RNF216: variants seen among roughly 807,000 people sequenced by gnomAD.
The protein encoded by RNF216 is E3 ubiquitin-protein ligase RNF216.
RNF216 carries 72 observed loss-of-function variants against 110.8 expected under a neutral mutation model. The ratio of observed to expected loss-of-function variants is 0.65; its 90% CI spans 0.54 to 0.79. The LOEUF (loss-of-function observed/expected upper bound fraction) is 0.79. RNF216 is among the 30% of genes least tolerant of loss of function. RNF216 has a pLI of 0.00. For synonymous variants in RNF216, 495 were observed against 407.5 expected (o/e 1.21, Z -2.59); for missense variants, 1,342 against 1,141.2 (o/e 1.18, Z -2.54).
At chr7:5,687,938 C>T (rs1791090455) in intron 13 of RNF216, among the ~76,000 whole-genome samples, 1 of 152,132 alleles carries the variant, frequency 6.6e-6, no homozygotes, top group South Asian at 2.1e-4. Context: ...GTCCAGAATC[C>T]CGGACTGTCA....
At chr7:5,714,524 C>A (rs552714797) in intron 11 of RNF216, among the ~76,000 whole-genome samples, 4 of 152,338 alleles carry the variant, frequency 2.6e-5, no homozygotes, top group African/African-American at 9.6e-5. Context: ...TCCCAAAGTG[C>A]TGGGATTACA....
chr7:5,658,411 C>G (rs1338147961), intron 13 of RNF216, among the ~76,000 whole-genome samples: 1 of 152,038 alleles, frequency 6.6e-6, no homozygotes, highest in Non-Finnish European at 1.5e-5. Context: ...AGTCTCAGCA[C>G]TCTGGGAAGC....
At chr7:5,686,072 A>T (rs868174985) in intron 13 of RNF216, among the ~76,000 whole-genome samples, 3 of 151,550 alleles carry the variant, frequency 2.0e-5, no homozygotes, top group South Asian at 2.1e-4. Context: ...AAAATGCAAA[A>T]ATTAGCCAGG....
chr7:5,718,617 G>A (rs1236064441), intron 9 of RNF216, among the ~76,000 whole-genome samples: 2 of 150,856 alleles, frequency 1.3e-5, no homozygotes, highest in Non-Finnish European at 2.9e-5. Context: ...CATGATTTTG[G>A]CTCACTGCAA....
chr7:5,626,676 A>C (rs1336791096), intron 15 of RNF216, among the ~76,000 whole-genome samples: 1 of 151,996 alleles, frequency 6.6e-6, no homozygotes. Context: ...GTGTTAAAAA[A>C]AAAAAAAAGG....
intron 2 of RNF216, among the ~76,000 whole-genome samples, chr7:5,756,352 T>A (rs1286044312): frequency 6.6e-6 from 1 of 152,208 alleles, no homozygotes; most frequent in Non-Finnish European, 1.5e-5. Context: ...CTAATACAGT[T>A]GCTTTCATGC....
intron 1 of RNF216, among the ~76,000 whole-genome samples, chr7:5,781,198 C>G (rs1462958983): frequency 2.6e-5 from 4 of 152,166 alleles, no homozygotes; most frequent in African/African-American, 7.2e-5. Flanking sequence ...CCGCGGCGGC[C>G]TCGGGCCCGG....
chr7:5,653,802 A>C (rs1788556408), intron 13 of RNF216, among the ~76,000 whole-genome samples: 1 of 151,914 alleles, frequency 6.6e-6, no homozygotes, highest in Non-Finnish European at 1.5e-5. Flanking sequence ...CGAGTCAACG[A>C]TGAATAGGGC....
At chr7:5,692,903 G>A (rs536358819) in intron 13 of RNF216, among the ~76,000 whole-genome samples, 1 of 152,326 alleles carries the variant, frequency 6.6e-6, no homozygotes, top group South Asian at 2.1e-4. Context: ...ATCCTCAAAA[G>A]CGATTCACTG....
intron 14 of RNF216, 49 bp downstream of exon 14, chr7:5,652,364 T>A: frequency 1.5e-6 from 2 of 1,327,120 alleles, no homozygotes; most frequent in Non-Finnish European, 2.2e-6. Context: ...AGCAGGTTAA[T>A]GGGGAAGTTG....
intron 13 of RNF216, among the ~76,000 whole-genome samples, chr7:5,670,984 C>T (rs185359116): frequency 0.02 from 3,072 of 152,182 alleles, 55 homozygotes; most frequent in Non-Finnish European, 0.03. Flanking sequence ...TGCTTGGTTC[C>T]GGGGGAGCTG....
intron 13 of RNF216, among the ~76,000 whole-genome samples, chr7:5,693,972 A>C (rs1045350789): frequency 6.6e-6 from 1 of 152,172 alleles, no homozygotes; most frequent in African/African-American, 2.4e-5. Context: ...CAAAAAAACA[A>C]AGGCTTCCAA....
intron 3 of RNF216, among the ~76,000 whole-genome samples, chr7:5,749,900 G>C (rs896200223): frequency 6.6e-6 from 1 of 152,096 alleles, no homozygotes; most frequent in Non-Finnish European, 1.5e-5. Flanking sequence ...TTCTTTATTT[G>C]AAACACTGCT....
chr7:5,740,104 CTTTTTTTTTTTTTTTTTTTTTT>C lies in RNF216; in HGVS notation c.1045-774_1045-753del, dbSNP rs71004698. 3.0e-4 allele frequency among the ~76,000 whole-genome samples: 36 copies of C among 118,482 alleles called. 1 individual carries two copies. Among genetic ancestry groups the C allele is most frequent in the African/African-American group, 1.1e-3 (32 of 29,098 alleles). The allele number at this position is 118,482 out of a possible 152,430, so 77.7% of individuals were successfully genotyped here. ...AAATAGTGGCTACCAGATGTAACAC[CTTTTTTTTTTTTTTTTTTTTTT>C]TTTTTTTTTTTTTTTTGTGAGATAG... On this transcript the variant is annotated intron_variant, in intron 4 of 16. Transcript: ENST00000389902.
rs533044300 is a variant in RNF216 at position 5,753,883 on chromosome 7, T to C, written c.68-904A>G. ...GGTGGCGCATGCCTGTAATCCCAGC[T>C]ATTCAGGAGGCTGAGGCAGGAGAAT... On this transcript the variant is annotated intron_variant, in intron 2 of 16. Coordinates refer to ENST00000389902, the MANE Select transcript of RNF216 (RefSeq NM_207111.4). Among the ~76,000 whole-genome samples the C allele has an allele frequency of 1.6e-3, 250 of 152,096 alleles. 3 individuals carry two copies. The highest frequency in any genetic ancestry group is 5.2e-3 in the African/African-American group (216 of 41,466).
chr7:5,738,501 G>A (rs1005017599), intron 5 of RNF216, among the ~76,000 whole-genome samples: 2 of 152,102 alleles, frequency 1.3e-5, no homozygotes, highest in Non-Finnish European at 2.9e-5. Context: ...GAGGTCAGGA[G>A]ATCGAGACCA....
rs1369750862 is a variant in RNF216, at chr7:5,781,662, G to C, written c.-191C>G. ...CCGCTGCACTCCTTCCGGCCCTGCC[G>C]CGGCGTCACCTCGCGCCTGCGCACA... On this transcript the variant is annotated 5_prime_UTR_variant, in exon 1 of 17. Coordinates refer to ENST00000389902, the MANE Select transcript of RNF216 (RefSeq NM_207111.4). 1.3e-5 allele frequency: 2 copies of C among 152,394 alleles called. No individual in the cohort carries two copies. The highest frequency in any genetic ancestry group is 4.8e-5 in the African/African-American group (2 of 41,472). 9.4% of individuals were successfully genotyped at this position (152,394 alleles called of 1,614,324 possible). A position where few individuals can be genotyped will look rare whatever the true frequency, so the allele number is the denominator to read the frequency against.
At chr7:5,755,420 A>G (rs958880082) in intron 2 of RNF216, among the ~76,000 whole-genome samples, 1 of 152,248 alleles carries the variant, frequency 6.6e-6, no homozygotes, top group Non-Finnish European at 1.5e-5. Flanking sequence ...AGCTCTATGA[A>G]TTAATACAAA....
intron 1 of RNF216, among the ~76,000 whole-genome samples, chr7:5,772,433 T>C (rs1796546056): frequency 1.3e-5 from 2 of 152,162 alleles, no homozygotes; most frequent in Admixed American, 6.6e-5. Context: ...TTAAATGTGC[T>C]TCTTGCTGTG....
Sources: gnomAD v4.1 joint callset for allele counts (sites outside exome capture counted in the v4.1 genomes callset) on GRCh38, gnomAD v4.1.1 for gene constraint, MANE v1.5 for transcripts, NCBI Gene and HGNC (gene_info 2026-07-23, HGNC 2026-07-21) for gene names.